CCDC157: variants seen among roughly 807,000 people sequenced by gnomAD.
CCDC157 encodes coiled-coil domain-containing protein 157.
A neutral mutation model predicts 70.9 loss-of-function variants in CCDC157; 60 were observed. That is an observed-to-expected ratio of 0.85 (90% confidence interval 0.69 to 1.05). CCDC157 has a LOEUF of 1.05. Ranked by LOEUF, CCDC157 falls within the 50% of genes least tolerant of loss-of-function variation. The pLI, the probability that CCDC157 is intolerant of heterozygous loss-of-function variation, is 0.00. For synonymous variants in CCDC157, 373 were observed against 422.4 expected (o/e 0.88, Z 1.43); for missense variants, 943 against 984.2 (o/e 0.96, Z 0.56).
chr22:30,361,320 G>A (rs1463960820), intron 1 of CCDC157, among the ~76,000 whole-genome samples: 2 of 151,850 alleles, frequency 1.3e-5, no homozygotes, highest in African/African-American at 2.4e-5. Flanking sequence ...ATTTAGTAAG[G>A]CCTGTTTGCT....
intron 10 of CCDC157, 71 bp downstream of exon 10, chr22:30,375,734 G>C: frequency 7.1e-7 from 1 of 1,402,338 alleles, no homozygotes; most frequent in South Asian, 1.4e-5. Context: ...TTCAGACTCT[G>C]CCCCGGGAAC....
At chr22:30,356,775 C>T (rs773841865), upstream of CCDC157, 302 of 1,455,516 alleles carry the variant, frequency 2.1e-4, no homozygotes, top group Non-Finnish European at 2.6e-4. Context: ...GCACCGCCTG[C>T]ACGGGTCCGG....
chr22:30,370,541 G>T lies in CCDC157; in HGVS notation c.636G>T (p.Gln212His). ...AGAACACCAGGAGTGTCCACTCCCA[G>T]ACCATTGAGACGGCCCTGGTGCCCT... ...TFKNTRSVHS[Q>H]TIETALVPCD... The change falls in exon 5 of 12, where the codon CAG (glutamine) becomes CAT (histidine). Residue 212 changes from glutamine (Q) to histidine (H), a missense_variant. Coordinates refer to ENST00000338306, the MANE Select transcript of CCDC157 (RefSeq NM_001017437.5). The T allele has an allele frequency of 3.7e-6, 6 of 1,614,064 alleles. No homozygotes were observed.
At chr22:30,375,302 T>C (rs1933269575) in intron 9 of CCDC157, 177 bp from the exon 10 acceptor site, 5 of 605,484 alleles carry the variant, frequency 8.3e-6, no homozygotes. Flanking sequence ...GCTCTCAGAT[T>C]TTATAATACT....
chr22:30,373,071 T>G, intron 7 of CCDC157: 1 of 155,408 alleles, frequency 6.4e-6, no homozygotes, highest in South Asian at 1.9e-4. Flanking sequence ...TCACCCCCAT[T>G]TTACGAATGA....
Position 30,370,787 on chromosome 22 carries a change from G to A in CCDC157, c.882G>A (p.Arg294=). The A allele has an allele frequency of 1.2e-6, 2 of 1,613,520 alleles. No individual in the cohort carries two copies. The highest frequency in any genetic ancestry group is 1.7e-6 in the Non-Finnish European group (2 of 1,180,012). ...TCAGTAAGCATGTGGAGGCCCTCAG[G>A]GCCCAGCTGGAGGAGGCTGAAGGGC... The part of the protein sequence containing the change: ...TRLSKHVEAL[R]AQLEEAEGQK... The change falls in exon 5 of 12, where the codon AGG becomes AGA. Residue 294 remains arginine (R), a synonymous_variant. Coordinates refer to ENST00000338306, the MANE Select transcript of CCDC157 (RefSeq NM_001017437.5).
In CCDC157 at chr22:30,369,563, T is replaced by G; in HGVS notation, c.380T>G (p.Leu127Arg). Residue 127 changes from leucine to arginine, a missense_variant, in exon 4 of 12, where the codon CTG becomes CGG. Transcript: ENST00000338306. ...GLTVRRFWDS[L>R]LRLGTLHQQP... is the part of the protein sequence containing the mutation. ...ACGGTGCGGCGCTTCTGGGACAGCC[T>G]GCTGAGGCTGGGCACGCTCCACCAG... The G allele has an allele frequency of 6.3e-7, 1 of 1,596,760 alleles. No individual in the cohort carries two copies. Among genetic ancestry groups the G allele is most frequent in the Non-Finnish European group, 8.5e-7 (1 of 1,172,394 alleles).
chr22:30,367,158 C>G (rs1932768544), intron 3 of CCDC157: 1 of 150,782 alleles, frequency 6.6e-6, no homozygotes, highest in African/African-American at 2.4e-5. Flanking sequence ...ATGGGAGGAT[C>G]ATCTGAGAGT....
At chr22:30,361,265 A>C (rs1342084539) in intron 1 of CCDC157, among the ~76,000 whole-genome samples, 1 of 150,470 alleles carries the variant, frequency 6.6e-6, no homozygotes, top group East Asian at 1.9e-4. Context: ...AAAAAAAAAA[A>C]GAAAAAAGGT....
chr22:30,370,001 A>C, intron 4 of CCDC157: 1 of 496,206 alleles, frequency 2.0e-6, no homozygotes, highest in South Asian at 2.6e-5. Flanking sequence ...TTATGGTGAC[A>C]CAAGAGCAGG....
At chr22:30,374,214 C>T (rs993499908) in intron 9 of CCDC157, 123 bp downstream of exon 9, 9 of 1,201,204 alleles carry the variant, frequency 7.5e-6, no homozygotes, top group African/African-American at 4.6e-5. Flanking sequence ...TAAAGCCAGG[C>T]GGCCAGCAGC....
chr22:30,361,012 A>G (rs990405119), intron 1 of CCDC157, among the ~76,000 whole-genome samples: 5 of 152,042 alleles, frequency 3.3e-5, no homozygotes, highest in Non-Finnish European at 5.9e-5. Flanking sequence ...GCACCACTGC[A>G]CTCCAGGCTG....
In CCDC157 at chr22:30,375,623, T is replaced by G; in HGVS notation, c.1817T>G (p.Leu606Arg). Residue 606 changes from leucine to arginine, a missense_variant, in exon 10 of 12, where the codon CTG becomes CGG. Coordinates refer to ENST00000338306, the MANE Select transcript of CCDC157 (RefSeq NM_001017437.5). Reference sequence around the variant, plus strand: ...GAGAACGGGCGGCTCCAATCAATGCTGTCCAAAATCCGGGAAGTGGCCCAG... The same window carrying G: ...GAGAACGGGCGGCTCCAATCAATGCGGTCCAAAATCCGGGAAGTGGCCCAG... ...QEENGRLQSM[L>R]SKIREVAQQG... 6.2e-7 allele frequency: 1 copy of G among 1,613,948 alleles called. No individual in the cohort carries two copies. The highest frequency in any genetic ancestry group is 1.1e-5 in the South Asian group (1 of 91,052).
chr22:30,363,776 C>T (rs1932522920), intron 2 of CCDC157, among the ~76,000 whole-genome samples: 1 of 151,372 alleles, frequency 6.6e-6, no homozygotes, highest in South Asian at 2.1e-4. Context: ...GCAACCTCCA[C>T]CTCCGGGATC....
At chr22:30,363,231 T>G (rs185419451) in intron 2 of CCDC157, among the ~76,000 whole-genome samples, 2 of 152,270 alleles carry the variant, frequency 1.3e-5, no homozygotes, top group Middle Eastern at 3.4e-3. Context: ...CATAGACTGT[T>G]CATCCAGATC....
At chr22:30,371,589 A>C (rs1300269225) in intron 5 of CCDC157, 61 bp from the exon 6 acceptor site, 4 of 1,414,428 alleles carry the variant, frequency 2.8e-6, no homozygotes, top group Non-Finnish European at 4.0e-6. Context: ...CACACTGGGC[A>C]TGAAGGCCGC....
In CCDC157 at chr22:30,372,089, C is replaced by A; in HGVS notation, c.1138C>A (p.Gln380Lys). The A allele has an allele frequency of 5.8e-6, 9 of 1,547,026 alleles. No homozygotes were observed. The highest frequency in any genetic ancestry group is 7.9e-6 in the Non-Finnish European group (9 of 1,144,068). The change falls in exon 7 of 12, where the codon CAG becomes AAG. Residue 380 changes from glutamine (Q) to lysine (K), a missense_variant. Physicochemically the swap from Gln to Lys is moderately conservative, Grantham distance 53. Coordinates refer to ENST00000338306, the MANE Select transcript of CCDC157 (RefSeq NM_001017437.5). The stretch of plus-strand genomic sequence containing the variant: ...TAATGCTGCAGAGGCAAAGGCCCAG[C>A]AGCTGCAGGAGGAAGGTGAGCGCAG... ...STQAVEAKAQ[Q>K]LQEEGERRAA...
At chr22:30,369,391 C>T (rs201563667) in intron 3 of CCDC157, 41 bp from the exon 4 acceptor site, 801 of 1,449,684 alleles carry the variant, frequency 5.5e-4, no homozygotes, top group Non-Finnish European at 6.0e-4. Context: ...GGTATGTTAG[C>T]ACCAGCCTGG....
chr22:30,371,452 C>A (rs1932935702), intron 5 of CCDC157, 198 bp from the exon 6 acceptor site: 2 of 598,930 alleles, frequency 3.3e-6, no homozygotes, highest in Non-Finnish European at 5.9e-6. Context: ...GGTGTAGACA[C>A]ATGGCAGCCA....
Sources: allele counts gnomAD v4.1 joint callset (sites outside exome capture counted in the v4.1 genomes callset), GRCh38; gene constraint gnomAD v4.1.1; transcripts MANE v1.5; gene names NCBI Gene and HGNC (gene_info 2026-07-23, HGNC 2026-07-21).